DYNC2H1: variants seen among roughly 807,000 people sequenced by gnomAD.
The protein encoded by DYNC2H1 is cytoplasmic dynein 2 heavy chain 1.
Under a neutral mutation model 570.0 loss-of-function variants are expected in DYNC2H1, and 410 were observed. That is an observed-to-expected ratio of 0.72 (90% CI 0.66 to 0.78). The LOEUF (loss-of-function observed/expected upper bound fraction) is 0.78. Ranked by LOEUF, DYNC2H1 falls within the 30% of genes least tolerant of loss-of-function variation. The pLI is 0.00. For synonymous variants in DYNC2H1, 1,688 were observed against 1,677.6 expected, an observed-to-expected ratio of 1.01 and a Z score of -0.15; for missense variants, 4,865 against 5,046.4, an observed-to-expected ratio of 0.96 and a Z score of 1.09.
intron 25 of DYNC2H1, 62 bp from the exon 26 acceptor site, chr11:103,156,326 A>G: frequency 7.0e-6 from 10 of 1,437,156 alleles, no homozygotes; most frequent in South Asian, 2.7e-5. Flanking sequence ...ATACTTTTCT[A>G]TTAATTACTT....
At position 103,277,713 on chromosome 11, in the gene DYNC2H1, A is replaced by T. The variant is rs1865968112; in HGVS notation, c.10696-2635A>T. On this transcript the variant is annotated intron_variant, in intron 70 of 88. Coordinates refer to ENST00000375735, the MANE Select transcript of DYNC2H1 (RefSeq NM_001377.3). This position sits in a 1 kb window ranked among gnomAD's most constrained non-coding sequence, Gnocchi z 4.3. ...CTAAAGCAAGCTTGCCTCGACTCTTACCAGGTAACCTAGTGACATCATGAT... is the reference window on the plus strand; with the variant it reads ...CTAAAGCAAGCTTGCCTCGACTCTTTCCAGGTAACCTAGTGACATCATGAT... Among the ~76,000 whole-genome samples, 1 of 152,188 alleles carries T rather than the reference A, an allele frequency of 6.6e-6. No homozygotes were observed. Among genetic ancestry groups the T allele is most frequent in the African/African-American group, 2.4e-5 (1 of 41,452 alleles).
At chr11:103,417,291 GGGGGTTTCACCATGTTGGTC>G (rs1322394013) in intron 84 of DYNC2H1, among the ~76,000 whole-genome samples, 14 of 150,810 alleles carry the variant, frequency 9.3e-5, no homozygotes, top group East Asian at 3.9e-4. Context: ...TGTTGGTCAG[GGGGGTTTCACCATGTTGGTC>G]AGGATGGTCT....
At chr11:103,198,094 ATTTGGTCATTATAGTC>A in intron 48 of DYNC2H1, 31 bp downstream of exon 48, 1 of 1,543,780 alleles carries the variant, frequency 6.5e-7, no homozygotes, top group South Asian at 1.2e-5. Context: ...TGGAACTGGG[ATTTGGTCATTATAGTC>A]TTTTAAAAAT....
chr11:103,474,054 C>A, intron 88 of DYNC2H1: 1 of 218,468 alleles, frequency 4.6e-6, no homozygotes, highest in Non-Finnish European at 1.0e-5. Flanking sequence ...CCAAATATTT[C>A]ACTAACATAT....
At chr11:103,372,163 C>T (rs959082948) in intron 83 of DYNC2H1, among the ~76,000 whole-genome samples, 1 of 150,476 alleles carries the variant, frequency 6.6e-6, no homozygotes. Flanking sequence ...CTTCAGCCTC[C>T]GAGTAGCTGG....
chr11:103,285,457 C>G (rs953094838), intron 73 of DYNC2H1, among the ~76,000 whole-genome samples: 16 of 135,678 alleles, frequency 1.2e-4, no homozygotes, highest in Admixed American at 6.5e-4. Flanking sequence ...GAGTCTCGCT[C>G]TGTTATCCAG....
At chr11:103,368,015 A>C (rs1216933888) in intron 83 of DYNC2H1, among the ~76,000 whole-genome samples, 2 of 151,998 alleles carry the variant, frequency 1.3e-5, no homozygotes, top group Admixed American at 1.3e-4. Flanking sequence ...TTATCCATTC[A>C]TTGTTGCACA....
rs1862194665 is a variant in DYNC2H1 at position 103,189,112 on chromosome 11, C to G, written c.7292+464C>G. ...TACAGAGACTATGGCAATATCTCCT[C>G]TGTTTATATTTAATATACATTATAT... is the stretch of plus-strand genomic sequence containing the variant. On this transcript the variant is annotated intron_variant, in intron 44 of 88. Coordinates refer to ENST00000375735, the MANE Select transcript of DYNC2H1 (RefSeq NM_001377.3). The surrounding 1 kb of genome is among the most constrained non-coding windows in gnomAD (Gnocchi z 4.3). Among the ~76,000 whole-genome samples, 1 of 151,978 alleles carries G rather than the reference C, an allele frequency of 6.6e-6. No individual in the cohort carries two copies. Among genetic ancestry groups the G allele is most frequent in the Non-Finnish European group, 1.5e-5 (1 of 67,988 alleles).
chr11:103,332,067 C>CAAAA (rs879873856), intron 82 of DYNC2H1, among the ~76,000 whole-genome samples: 1 of 102,040 alleles, frequency 9.8e-6, no homozygotes. Flanking sequence ...GACTCCATCT[C>CAAAA]AAAAAAAAAA....
chr11:103,217,046 C>T (rs1481094058), intron 55 of DYNC2H1, among the ~76,000 whole-genome samples: 1 of 152,104 alleles, frequency 6.6e-6, no homozygotes, highest in Non-Finnish European at 1.5e-5. Flanking sequence ...GACTATGCCT[C>T]AAATATGTTT....
intron 70 of DYNC2H1, among the ~76,000 whole-genome samples, chr11:103,276,827 A>T (rs1865926685): frequency 6.6e-6 from 1 of 152,074 alleles, no homozygotes; most frequent in Non-Finnish European, 1.5e-5. Context: ...TCTTATTAGG[A>T]GCACATACGT....
rs555287462 is a variant in DYNC2H1, at chr11:103,305,987, C to T, written c.11382+1267C>T. Reference sequence around the variant, plus strand: ...AGTGCAGTGGCACAAGTTTGGCTCACTGCAACCTCCACCTCCCAAGTTCAA... The same window carrying T: ...AGTGCAGTGGCACAAGTTTGGCTCATTGCAACCTCCACCTCCCAAGTTCAA... On this transcript the variant is annotated intron_variant, in intron 77 of 88. Coordinates refer to ENST00000375735, the MANE Select transcript of DYNC2H1 (RefSeq NM_001377.3). This position sits in a 1 kb window ranked among gnomAD's most constrained non-coding sequence, Gnocchi z 4.3. 3.2e-4 allele frequency among the ~76,000 whole-genome samples: 49 copies of T among 152,300 alleles called. No homozygotes were observed. The highest frequency in any genetic ancestry group is 1.1e-3 in the African/African-American group (47 of 41,556).
At chr11:103,431,894 T>G (rs556918768) in intron 84 of DYNC2H1, among the ~76,000 whole-genome samples, 1 of 152,264 alleles carries the variant, frequency 6.6e-6, no homozygotes, top group South Asian at 2.1e-4. Context: ...TGGGGCACTG[T>G]CGTAGAGAAG....
At chr11:103,125,061 G>A in intron 11 of DYNC2H1, 39 bp from the exon 12 acceptor site, 1 of 1,498,614 alleles carries the variant, frequency 6.7e-7, no homozygotes, top group South Asian at 1.2e-5. Context: ...AAAACAGTGA[G>A]AACATGAAAC....
intron 79 of DYNC2H1, 144 bp from the exon 80 acceptor site, chr11:103,316,401 A>T: frequency 1.9e-6 from 1 of 528,034 alleles, no homozygotes; most frequent in Non-Finnish European, 3.2e-6. Flanking sequence ...CTTTAGATTT[A>T]TTATGTGTTG....
chr11:103,409,994 T>C (rs1188036136), intron 84 of DYNC2H1, among the ~76,000 whole-genome samples: 1 of 152,116 alleles, frequency 6.6e-6, no homozygotes, highest in East Asian at 1.9e-4. Context: ...TTTAAGATTA[T>C]TTGATAATGT....
Position 103,440,587 on chromosome 11 carries a change from GT to G in DYNC2H1, c.12456+4556del, listed in dbSNP as rs554496812. ...TAAATAGCATTAATTATTGTTATTA[GT>G]AAATACCACTTAGCATGACATATAG... On this transcript the variant is annotated intron_variant, in intron 85 of 88. Coordinates refer to ENST00000375735, the MANE Select transcript of DYNC2H1 (RefSeq NM_001377.3). 1.6e-3 allele frequency among the ~76,000 whole-genome samples: 242 copies of G among 152,180 alleles called. 1 individual carries two copies. The highest frequency in any genetic ancestry group is 5.5e-3 in the African/African-American group (230 of 41,510).
chr11:103,338,458 G>C (rs1261273297), intron 82 of DYNC2H1, among the ~76,000 whole-genome samples: 8 of 152,026 alleles, frequency 5.3e-5, no homozygotes, highest in Non-Finnish European at 1.0e-4. Context: ...GGGTGATGTG[G>C]TCATTTTTAC....
At chr11:103,230,930 T>C (rs563988185) in intron 59 of DYNC2H1, among the ~76,000 whole-genome samples, 6 of 152,166 alleles carry the variant, frequency 3.9e-5, no homozygotes, top group Non-Finnish European at 8.8e-5. Flanking sequence ...TTTTGATCTC[T>C]GTGCATATGT....
Sources: gnomAD v4.1 joint callset for allele counts (sites outside exome capture counted in the v4.1 genomes callset) on GRCh38, gnomAD v4.1.1 for gene constraint, Gnocchi (gnomAD v3.1) non-coding constraint, MANE v1.5 for transcripts, NCBI Gene and HGNC (gene_info 2026-07-23, HGNC 2026-07-21) for gene names.